The following UGGT1 variants were observed in gnomAD, a reference collection of about 807,000 sequenced individuals.
The protein encoded by UGGT1 is UDP-glucose glycoprotein glucosyltransferase 1.
In UGGT1, 107 loss-of-function variants were observed where a neutral mutation model predicts 203.9. The ratio of observed to expected loss-of-function variants is 0.52; its 90% CI spans 0.45 to 0.62. The LOEUF (loss-of-function observed/expected upper bound fraction) is 0.62. Among genes scored for constraint, UGGT1 ranks in the 20% least tolerant of loss-of-function variants. The pLI, the probability that UGGT1 is intolerant of heterozygous loss-of-function variation, is 0.00. For missense variants in UGGT1, 1,673 were observed against 1,867.2 expected (o/e 0.90, Z 1.92); for synonymous variants, 628 against 653.5 (o/e 0.96, Z 0.59).
intron 16 of UGGT1, among the ~76,000 whole-genome samples, 157 bp downstream of exon 16, chr2:128,139,009 T>G (rs1247485439): frequency 6.6e-6 from 1 of 152,140 alleles, no homozygotes; most frequent in Non-Finnish European, 1.5e-5. Flanking sequence ...TAGAGATGGA[T>G]CTGAGGAAGG....
chr2:128,098,324 T>C (rs1271194340), intron 2 of UGGT1, among the ~76,000 whole-genome samples: 3 of 152,212 alleles, frequency 2.0e-5, no homozygotes, highest in Non-Finnish European at 4.4e-5. Flanking sequence ...CCCAACACTT[T>C]GGGTGGACAA....
chr2:128,175,680 A>G (rs573181902), intron 31 of UGGT1, among the ~76,000 whole-genome samples: 1 of 152,314 alleles, frequency 6.6e-6, no homozygotes, highest in African/African-American at 2.4e-5. Flanking sequence ...TTCCTCAGAT[A>G]AGGTTTTACA....
At chr2:128,115,091 G>GT in intron 6 of UGGT1, 33 bp from the exon 7 acceptor site, 1 of 1,595,084 alleles carries the variant, frequency 6.3e-7, no homozygotes, top group Non-Finnish European at 8.6e-7. Context: ...AAAGAGCTAG[G>GT]TGGTAATGAT....
At position 128,145,985 on chromosome 2, in the gene UGGT1, G is replaced by C. The variant is rs1352146715; in HGVS notation, c.2016+18G>C. On this transcript the variant is annotated intron_variant, in intron 18 of 40. Transcript: ENST00000259253. ...TGTACTTGGTGAGTCACGTTTCAAG[G>C]CTGATTTTTTAAAGAGAACAGTTGG... 1.2e-6 allele frequency: 2 copies of C among 1,613,160 alleles called. No homozygotes were observed.
intron 18 of UGGT1, among the ~76,000 whole-genome samples, chr2:128,148,147 C>G (rs753637028): frequency 6.6e-6 from 1 of 151,976 alleles, no homozygotes; most frequent in Non-Finnish European, 1.5e-5. Flanking sequence ...CTGCAACCTC[C>G]GCCTCCTGGG....
chr2:128,160,309 A>G (rs1690461787), intron 23 of UGGT1, 151 bp from the exon 24 acceptor site: 3 of 736,676 alleles, frequency 4.1e-6, no homozygotes, highest in Admixed American at 3.7e-5. Flanking sequence ...TGGCGGGGAG[A>G]CTGGAGAATT....
rs1427978098 is a variant in UGGT1, at chr2:128,195,659, T to C, written c.*5917T>C. On this transcript the variant is annotated 3_prime_UTR_variant, in exon 41 of 41. Coordinates refer to ENST00000259253, the MANE Select transcript of UGGT1 (RefSeq NM_020120.4). The stretch of plus-strand genomic sequence containing the variant: ...TAAGGTCTGCTCAACACAGTAAACG[T>C]TTCCTCTCTTCTTTAAAACTGCGCA... The C allele has an allele frequency of 6.6e-6, 1 of 152,162 alleles. No individual in the cohort carries two copies. The highest frequency in any genetic ancestry group is 1.5e-5 in the Non-Finnish European group (1 of 68,036). 9.4% of individuals were successfully genotyped at this position (152,162 alleles called of 1,614,324 possible).
At chr2:128,184,065 A>AT (rs1047038085) in intron 38 of UGGT1, among the ~76,000 whole-genome samples, 23 of 152,218 alleles carry the variant, frequency 1.5e-4, no homozygotes, top group African/African-American at 5.3e-4. Flanking sequence ...AACCATTAGC[A>AT]TATCTTTGTA....
At chr2:128,106,041 C>T (rs1284878760) in intron 3 of UGGT1, among the ~76,000 whole-genome samples, 1 of 151,986 alleles carries the variant, frequency 6.6e-6, no homozygotes, top group Non-Finnish European at 1.5e-5. Flanking sequence ...GACATCCCTG[C>T]CCTGCCTCTC....
chr2:128,157,414 G>A, intron 22 of UGGT1, 68 bp downstream of exon 22: 1 of 1,337,108 alleles, frequency 7.5e-7, no homozygotes. Flanking sequence ...GCTTCGCTGT[G>A]CGGCTAGGAT....
At chr2:128,140,135 C>A in intron 16 of UGGT1, 2 of 160,646 alleles carry the variant, frequency 1.2e-5, no homozygotes, top group South Asian at 3.7e-4. Context: ...TTCACGAAAT[C>A]AAAATCGTCA....
chr2:128,121,308 A>T lies in UGGT1; in HGVS notation c.1073+10A>T. 6.3e-7 allele frequency: 1 copy of T among 1,590,656 alleles called. No homozygotes were observed. Among genetic ancestry groups the T allele is most frequent in the Non-Finnish European group, 8.6e-7 (1 of 1,165,540 alleles). On this transcript the variant is annotated intron_variant, in intron 10 of 40. Transcript: ENST00000259253. ...TTCCTACCAAAGCCAGGTAATGTAG[A>T]ATAATGCTCTTCTCCTTAACATCAT... is the stretch of plus-strand genomic sequence containing the variant.
At chr2:128,153,293 G>C (rs2104712963) in intron 19 of UGGT1, among the ~76,000 whole-genome samples, 1 of 152,216 alleles carries the variant, frequency 6.6e-6, no homozygotes, top group Admixed American at 6.5e-5. Flanking sequence ...AAATATCTCA[G>C]TGAATTTTAC....
At chr2:128,114,522 C>T (rs1474223308) in intron 6 of UGGT1, among the ~76,000 whole-genome samples, 1 of 152,180 alleles carries the variant, frequency 6.6e-6, no homozygotes, top group East Asian at 1.9e-4. Context: ...ATGTTAATGT[C>T]TGAAGGGCCA....
chr2:128,132,557 C>A (rs1405627206), intron 13 of UGGT1, among the ~76,000 whole-genome samples: 25 of 152,114 alleles, frequency 1.6e-4, no homozygotes, highest in Non-Finnish European at 2.9e-5. Context: ...AAAACAAAAA[C>A]AAACAAACAA....
intron 4 of UGGT1, 60 bp from the exon 5 acceptor site, chr2:128,109,574 T>C (rs1347553973): frequency 3.4e-5 from 45 of 1,324,928 alleles, no homozygotes; most frequent in Non-Finnish European, 4.2e-5. Flanking sequence ...TGATTATACA[T>C]GTCTTTATCT....
At chr2:128,117,182 T>A (rs1688144459) in intron 8 of UGGT1, among the ~76,000 whole-genome samples, 1 of 152,116 alleles carries the variant, frequency 6.6e-6, no homozygotes, top group Admixed American at 6.5e-5. Context: ...CTCCGTCTCC[T>A]GGGTTCAAGT....
chr2:128,159,630 C>A lies in UGGT1; in HGVS notation c.2472C>A (p.Asn824Lys), dbSNP rs138775101. Residue 824 changes from asparagine (N) to lysine (K), a missense_variant, in exon 23 of 41, where the codon AAC (asparagine) becomes AAA (lysine). Asn to Lys is a moderately conservative substitution (Grantham distance 94). Around this residue, in one of 4 missense-constraint regions of UGGT1, gnomAD observed 1,073 missense variants for 1,078.7 expected, o/e 0.99. Coordinates refer to ENST00000259253, the MANE Select transcript of UGGT1 (RefSeq NM_020120.4). ...CAGCTCTCCAAACTCAGACTTCCAA[C>A]GCTGCTAAGAACTTCATCACCAAAA... ...IWAALQTQTS[N>K]AAKNFITKMA... 2 of 1,614,164 alleles carry A rather than the reference C, an allele frequency of 1.2e-6. No individual in the cohort carries two copies. The highest frequency in any genetic ancestry group is 2.2e-5 in the South Asian group (2 of 91,082).
chr2:128,175,323 G>A (rs773612033), intron 31 of UGGT1, among the ~76,000 whole-genome samples: 16 of 152,212 alleles, frequency 1.1e-4, no homozygotes, highest in Non-Finnish European at 1.5e-4. Context: ...TGGTGGCATA[G>A]TAAGAACATT....
Sources: gnomAD v4.1 joint callset for allele counts (sites outside exome capture counted in the v4.1 genomes callset) on GRCh38, gnomAD v4.1.1 for gene constraint, gnomAD v4.1.1 regional missense constraint, MANE v1.5 for transcripts, NCBI Gene and HGNC (gene_info 2026-07-23, HGNC 2026-07-21) for gene names.